ARL5C: variants seen among roughly 807,000 people sequenced by gnomAD.
The protein encoded by ARL5C is ARF like GTPase 5C, also known as putative ADP-ribosylation factor-like protein 5C.
A neutral mutation model predicts 20.8 loss-of-function variants in ARL5C; 21 were observed. The ratio of observed to expected loss-of-function variants is 1.01; its 90% CI spans 0.72 to 1.46. The LOEUF is 1.46. Ranked by LOEUF, ARL5C falls within the 40% of genes most tolerant of loss-of-function variation. The pLI is 0.00. For missense variants in ARL5C, 199 were observed against 225.1 expected (o/e 0.88, Z 0.74); for synonymous variants, 71 against 81.6 (o/e 0.87, Z 0.70).
intron 5 of ARL5C, among the ~76,000 whole-genome samples, chr17:39,157,709 G>A (rs579541): frequency 0.075 from 11,359 of 151,724 alleles, 494 homozygotes; most frequent in East Asian, 0.12. Flanking sequence ...AGAATCCCTT[G>A]AACCCGGGAG....
Position 39,166,020 on chromosome 17 carries a change from G to A in ARL5C, c.-260C>T. Reference sequence around the variant, plus strand: ...AGGAATATGGGGGTTCCAGGCTCCAGCCCTCCCCCTCGCCCTGCGAAAACT... The same window carrying A: ...AGGAATATGGGGGTTCCAGGCTCCAACCCTCCCCCTCGCCCTGCGAAAACT... On this transcript the variant is annotated 5_prime_UTR_variant, in exon 1 of 6. Transcript: ENST00000269586. The A allele has an allele frequency of 1.9e-6, 1 of 522,416 alleles. No homozygotes were observed. Among genetic ancestry groups the A allele is most frequent in the Non-Finnish European group, 3.4e-6 (1 of 289,986 alleles). The allele number at this position is 522,416 out of a possible 1,614,324, so 32.4% of individuals were successfully genotyped here.
chr17:39,156,790 C>T, downstream of ARL5C: 4 of 1,349,192 alleles, frequency 3.0e-6, no homozygotes, highest in Non-Finnish European at 4.1e-6. Context: ...GCAGCCACTG[C>T]TCCCACTAGA....
chr17:39,165,109 T>C lies in ARL5C; in HGVS notation c.77A>G (p.Asn26Ser). 4 of 1,551,680 alleles carry C rather than the reference T, an allele frequency of 2.6e-6. No individual in the cohort carries two copies. The highest frequency in any genetic ancestry group is 1.2e-5 in the South Asian group (1 of 84,050). ...GTAGAGAATGGTGGTCTTTCCTTCA[T>C]TGTCCAGTCCCACGATGATGACCGT... ...EHTVIIVGLD[N>S]EGKTTILYRF... Residue 26 changes from asparagine to serine, a missense_variant, in exon 2 of 6, where the codon AAT becomes AGT. By Grantham distance (46) the Asn-to-Ser change is conservative. Coordinates refer to ENST00000269586, the MANE Select transcript of ARL5C (RefSeq NM_001143968.1).
intron 5 of ARL5C, among the ~76,000 whole-genome samples, chr17:39,158,710 C>T (rs2045419027): frequency 6.6e-6 from 1 of 152,046 alleles, no homozygotes; most frequent in Non-Finnish European, 1.5e-5. Flanking sequence ...GATGTAAGGC[C>T]CTTTCTACGT....
intron 2 of ARL5C, chr17:39,164,834 G>GT: frequency 2.2e-6 from 1 of 457,634 alleles, no homozygotes; most frequent in East Asian, 3.8e-5. Context: ...CTGGAGCTGG[G>GT]TTTGGCAGGG....
At chr17:39,158,855 C>A (rs934397228) in intron 5 of ARL5C, among the ~76,000 whole-genome samples, 1 of 151,772 alleles carries the variant, frequency 6.6e-6, no homozygotes, top group African/African-American at 2.4e-5. Flanking sequence ...TTTGTTTTTG[C>A]TTTTGGAAAT....
chr17:39,159,814 T>C (rs115016082), intron 5 of ARL5C, among the ~76,000 whole-genome samples: 200 of 152,340 alleles, frequency 1.3e-3, no homozygotes, highest in African/African-American at 4.5e-3. Flanking sequence ...AATGATCCTC[T>C]TCCTTACAGT....
rs2045460255 is a variant in ARL5C, at chr17:39,165,778, ACAGGTG to A, written c.-24_-19del. On this transcript the variant is annotated 5_prime_UTR_variant, in exon 1 of 6. Transcript: ENST00000269586. Reference sequence around the variant, plus strand: ...TGTCCCATGGCACTTCCCGGGCCGGACAGGTGCAGGAGGGCTCAGCGGCCTCAGGAG... The same window carrying A: ...TGTCCCATGGCACTTCCCGGGCCGGACAGGAGGGCTCAGCGGCCTCAGGAG... 1 of 1,551,628 alleles carries A rather than the reference ACAGGTG, an allele frequency of 6.4e-7. No homozygotes were observed.
chr17:39,165,556 G>A (rs1217798402), intron 1 of ARL5C, 159 bp downstream of exon 1: 7 of 831,208 alleles, frequency 8.4e-6, no homozygotes, highest in Non-Finnish European at 1.3e-5. Context: ...AAGAGGAGCA[G>A]GCAGGGACGG....
At chr17:39,160,546 T>C (rs891178624) in intron 5 of ARL5C, 45 bp downstream of exon 5, 1 of 1,544,804 alleles carries the variant, frequency 6.5e-7, no homozygotes, top group Admixed American at 2.0e-5. Flanking sequence ...CAGTCATCCA[T>C]TGGTTCAGCC....
chr17:39,162,880 C>T (rs1248899178), intron 2 of ARL5C, 22 bp from the exon 3 acceptor site: 7 of 1,548,506 alleles, frequency 4.5e-6, no homozygotes, highest in East Asian at 2.4e-5. Flanking sequence ...GGAGTGGGCA[C>T]CAAGAGCTCA....
At chr17:39,156,867 G>C (rs1233857186), downstream of ARL5C, 2 of 1,551,628 alleles carry the variant, frequency 1.3e-6, no homozygotes, top group Admixed American at 2.0e-5. Context: ...AAACCCCAAA[G>C]TTTCTGGTTG....
At chr17:39,159,299 T>TG (rs1342746754) in intron 5 of ARL5C, among the ~76,000 whole-genome samples, 1 of 108,798 alleles carries the variant, frequency 9.2e-6, no homozygotes, top group African/African-American at 4.4e-5. Context: ...CTTTCTTTCT[T>TG]TTTTTTTTTT....
chr17:39,166,152 G>A lies in ARL5C; in HGVS notation c.-392C>T. 1 of 240,748 alleles carries A rather than the reference G, an allele frequency of 4.2e-6. No individual in the cohort carries two copies. The highest frequency in any genetic ancestry group is 8.3e-6 in the Non-Finnish European group (1 of 121,002). The allele number at this position is 240,748 out of a possible 1,614,324, so 14.9% of individuals were successfully genotyped here. On this transcript the variant is annotated 5_prime_UTR_variant, in exon 1 of 6. Transcript: ENST00000269586. The stretch of plus-strand genomic sequence containing the variant: ...CCCTCCTCTGAGTGCCATGTCTAGG[G>A]CACTAGACTGAAGCAAAACCCCAGG...
chr17:39,158,925 G>A (rs2045419999), intron 5 of ARL5C, among the ~76,000 whole-genome samples: 1 of 149,518 alleles, frequency 6.7e-6, no homozygotes, highest in African/African-American at 2.5e-5. Context: ...CCATCCTCCT[G>A]CCTCAGACTC....
chr17:39,156,808 A>G (rs1194590771), downstream of ARL5C: 24 of 1,474,410 alleles, frequency 1.6e-5, no homozygotes, highest in Non-Finnish European at 2.2e-5. Flanking sequence ...AGAGAACCAT[A>G]GAAAAGTAAT....
rs976848449 is a variant in ARL5C, at chr17:39,162,843, C to T, written c.123G>A (p.Val41=). The T allele has an allele frequency of 1.3e-6, 2 of 1,550,598 alleles. No homozygotes were observed. The highest frequency in any genetic ancestry group is 1.7e-6 in the Non-Finnish European group (2 of 1,146,956). ...TILYRFLTNE[V]VHMCPTIGSN... ...TGCCAATGGTGGGACACATATGGACCACCTCATTGGTCAAGCTGGGGAGGT... is the reference window on the plus strand; with the variant it reads ...TGCCAATGGTGGGACACATATGGACTACCTCATTGGTCAAGCTGGGGAGGT... Residue 41 remains valine (V), a synonymous_variant, in exon 3 of 6, where the codon GTG becomes GTA. Coordinates refer to ENST00000269586, the MANE Select transcript of ARL5C (RefSeq NM_001143968.1).
At chr17:39,160,502 CACAGGAGAGAG>C (rs2045428785) in intron 5 of ARL5C, 78 bp downstream of exon 5, 3 of 1,475,278 alleles carry the variant, frequency 2.0e-6, no homozygotes, top group Non-Finnish European at 2.7e-6. Flanking sequence ...ACCAGATTCT[CACAGGAGAGAG>C]GCAGGAGAAG....
Position 39,166,139 on chromosome 17 carries a change from T to A in ARL5C, c.-379A>T. ...GGATCCCAGCTCTCCCTCCTCTGAG[T>A]GCCATGTCTAGGGCACTAGACTGAA... On this transcript the variant is annotated 5_prime_UTR_variant, in exon 1 of 6. Transcript: ENST00000269586. The A allele has an allele frequency of 3.5e-6, 1 of 283,664 alleles. No individual in the cohort carries two copies. Among genetic ancestry groups the A allele is most frequent in the Non-Finnish European group, 6.9e-6 (1 of 145,082 alleles). The allele number at this position is 283,664 out of a possible 1,614,324, so 17.6% of individuals were successfully genotyped here.
Sources: allele counts gnomAD v4.1 joint callset (sites outside exome capture counted in the v4.1 genomes callset), GRCh38; gene constraint gnomAD v4.1.1; transcripts MANE v1.5; gene names NCBI Gene and HGNC (gene_info 2026-07-23, HGNC 2026-07-21).